GATA4: variants seen among roughly 807,000 people sequenced by gnomAD.
The protein encoded by GATA4 is transcription factor GATA-4.
In GATA4, 7 loss-of-function variants were observed where a neutral mutation model predicts 37.9. The observed-to-expected ratio is 0.18, with a 90% CI of 0.11 to 0.35. The LOEUF (loss-of-function observed/expected upper bound fraction) is 0.35, where lower values mean the gene tolerates loss of function less well. GATA4 is among the 10% of genes least tolerant of loss of function. The pLI, the probability that GATA4 is intolerant of heterozygous loss-of-function variation, is 1.00. For missense variants in GATA4, 647 were observed against 653.0 expected (o/e 0.99, Z 0.10); for synonymous variants, 372 against 292.6 (o/e 1.27, Z -2.77).
Position 11,708,053 on chromosome 8 carries a change from C to T in GATA4, c.-260C>T, listed in dbSNP as rs1799973699. The T allele has an allele frequency of 3.6e-6, 2 of 549,646 alleles. No individual in the cohort carries two copies. Among genetic ancestry groups the T allele is most frequent in the South Asian group, 1.9e-5 (1 of 52,770 alleles). 34.0% of individuals were successfully genotyped at this position (549,646 alleles called of 1,614,324 possible). On this transcript the variant is annotated 5_prime_UTR_variant, in exon 2 of 7. Transcript: ENST00000532059. This position sits in a 1 kb window ranked among gnomAD's most constrained non-coding sequence, Gnocchi z 6.7. ...TCAGGCCCTGGGGTGAATTCAGCTG[C>T]TCCTACATCAGCTTCCGGAACCACC...
rs1799922533 is a variant in GATA4, at chr8:11,707,143, C to G, written c.-457-713C>G. 6.6e-6 allele frequency among the ~76,000 whole-genome samples: 1 copy of G among 152,198 alleles called. No homozygotes were observed. The highest frequency in any genetic ancestry group is 2.4e-5 in the African/African-American group (1 of 41,454). The stretch of plus-strand genomic sequence containing the variant: ...GGCATTGTACATTCTTCTCACTTTT[C>G]TGGTTCTGATATACAATTTGCAAAA... On this transcript the variant is annotated intron_variant, in intron 1 of 6. Transcript: ENST00000532059. The surrounding 1 kb of genome is among the most constrained non-coding windows in gnomAD (Gnocchi z 4.7).
chr8:11,726,279 T>G (rs1040857790), intron 2 of GATA4, among the ~76,000 whole-genome samples: 1 of 152,188 alleles, frequency 6.6e-6, no homozygotes, highest in African/African-American at 2.4e-5. Flanking sequence ...TGAGCCCATG[T>G]GGATCCCTGG....
intron 1 of GATA4, among the ~76,000 whole-genome samples, chr8:11,693,608 TCAGCA>T (rs899275581): frequency 3.0e-5 from 4 of 134,564 alleles, no homozygotes; most frequent in South Asian, 2.4e-4. Context: ...GAGGATTGAT[TCAGCA>T]CAACCGGTGC....
chr8:11,734,732 C>A (rs1373077888), intron 2 of GATA4, among the ~76,000 whole-genome samples: 1 of 152,100 alleles, frequency 6.6e-6, no homozygotes, highest in African/African-American at 2.4e-5. Flanking sequence ...TCAGGTGATC[C>A]CCCTGCCTCG....
intron 2 of GATA4, among the ~76,000 whole-genome samples, chr8:11,728,076 T>C (rs542248787): frequency 1.1e-4 from 16 of 151,904 alleles, no homozygotes; most frequent in Non-Finnish European, 2.2e-4. Context: ...CTGCAACCTC[T>C]ACCTCCCAGG....
Position 11,730,683 on chromosome 8 carries a change from C to G in GATA4, c.617-18233C>G, listed in dbSNP as rs973650465. ...TGATATTTGGTGGTAGCACTGAGGC[C>G]CAGCCAACACTGAGCGCTTAGGATG... On this transcript the variant is annotated intron_variant, in intron 2 of 6. Coordinates refer to ENST00000532059, the MANE Select transcript of GATA4 (RefSeq NM_001308093.3). Among the ~76,000 whole-genome samples, 22 of 152,178 alleles carry G rather than the reference C, an allele frequency of 1.4e-4. 1 individual carries two copies. Among genetic ancestry groups the G allele is most frequent in the Non-Finnish European group, 7.4e-5 (5 of 68,026 alleles).
At chr8:11,724,199 T>G (rs1800808270) in intron 2 of GATA4, among the ~76,000 whole-genome samples, 3 of 152,218 alleles carry the variant, frequency 2.0e-5, no homozygotes, top group Non-Finnish European at 4.4e-5. Context: ...TGTATTTTGT[T>G]TATCCATTCA....
chr8:11,708,820 G>A lies in GATA4; in HGVS notation c.508G>A (p.Gly170Ser). The A allele has an allele frequency of 6.7e-7, 1 of 1,485,960 alleles. No individual in the cohort carries two copies. Among genetic ancestry groups the A allele is most frequent in the Non-Finnish European group, 8.9e-7 (1 of 1,125,500 alleles). 92.0% of individuals were successfully genotyped at this position (1,485,960 alleles called of 1,614,324 possible). ...SPYPAYMADV[G>S]ASWAAAAAAS... Reference sequence around the variant, plus strand: ...CTACCCGGCTTACATGGCCGACGTGGGCGCGTCCTGGGCCGCAGCCGCCGC... The same window carrying A: ...CTACCCGGCTTACATGGCCGACGTGAGCGCGTCCTGGGCCGCAGCCGCCGC... The change falls in exon 2 of 7, where the codon GGC becomes AGC. Residue 170 changes from glycine to serine, a missense_variant. By Grantham distance (56) the Gly-to-Ser change is moderately conservative. This residue lies in a region of GATA4 where 379 missense variants were observed against 334.5 expected (regional missense o/e 1.13). Transcript: ENST00000532059. This position sits in a 1 kb window ranked among gnomAD's most constrained non-coding sequence, Gnocchi z 6.7.
chr8:11,740,263 G>A (rs1253750507), intron 2 of GATA4, among the ~76,000 whole-genome samples: 2 of 152,220 alleles, frequency 1.3e-5, no homozygotes, highest in Non-Finnish European at 2.9e-5. Flanking sequence ...ACAGAGAGGA[G>A]GGATCAGCAT....
chr8:11,755,686 G>C (rs1341050847), intron 5 of GATA4, among the ~76,000 whole-genome samples: 1 of 152,202 alleles, frequency 6.6e-6, no homozygotes, highest in African/African-American at 2.4e-5. Flanking sequence ...AGCAAACTGA[G>C]GCTCATAGAG....
chr8:11,754,295 G>C (rs1199147177), intron 4 of GATA4, among the ~76,000 whole-genome samples: 1 of 152,196 alleles, frequency 6.6e-6, no homozygotes, highest in Non-Finnish European at 1.5e-5. Flanking sequence ...CGGCTTGCTG[G>C]AGCCTCGACT....
chr8:11,693,416 C>G (rs796112629), intron 1 of GATA4, among the ~76,000 whole-genome samples: 6 of 151,872 alleles, frequency 4.0e-5, no homozygotes, highest in African/African-American at 1.4e-4. Flanking sequence ...TGAGATCGCA[C>G]CACTGCAGTC....
chr8:11,694,610 AAC>A (rs1799449779), intron 1 of GATA4: 1 of 667,014 alleles, frequency 1.5e-6, no homozygotes, highest in Non-Finnish European at 1.9e-6. Context: ...CCTAAGAGGA[AAC>A]ACAATATTTT....
chr8:11,681,853 G>A (rs1798984284), intron 1 of GATA4, among the ~76,000 whole-genome samples: 1 of 152,134 alleles, frequency 6.6e-6, no homozygotes, highest in Non-Finnish European at 1.5e-5. Context: ...TGTAAGGACT[G>A]CAGCTTTTCC....
chr8:11,758,814 C>G lies in GATA4; in HGVS notation c.*339C>G. On this transcript the variant is annotated 3_prime_UTR_variant, in exon 7 of 7. Coordinates refer to ENST00000532059, the MANE Select transcript of GATA4 (RefSeq NM_001308093.3). ...GGGTTTTGCATTGTGTTTCTAGCACCGAGGATCTGAGAACAAGCGGAGGGC... is the reference window on the plus strand; with the variant it reads ...GGGTTTTGCATTGTGTTTCTAGCACGGAGGATCTGAGAACAAGCGGAGGGC... 5.4e-6 allele frequency: 2 copies of G among 368,564 alleles called. No individual in the cohort carries two copies. The highest frequency in any genetic ancestry group is 4.8e-5 in the South Asian group (2 of 41,990). The allele number at this position is 368,564 out of a possible 1,614,324, so 22.8% of individuals were successfully genotyped here.
chr8:11,723,058 G>A (rs767524497), intron 2 of GATA4, among the ~76,000 whole-genome samples: 2 of 152,130 alleles, frequency 1.3e-5, no homozygotes, highest in Non-Finnish European at 2.9e-5. Flanking sequence ...AAGAACTCAT[G>A]GACTTCAGCT....
At chr8:11,697,623 C>T in intron 1 of GATA4, 1 of 985,428 alleles carries the variant, frequency 1.0e-6, no homozygotes, top group African/African-American at 1.7e-5. Context: ...ACGGCCGGGC[C>T]TCCGGCCCCA....
intron 2 of GATA4, among the ~76,000 whole-genome samples, chr8:11,712,034 C>T (rs1467226654): frequency 1.3e-5 from 2 of 152,192 alleles, no homozygotes; most frequent in Non-Finnish European, 2.9e-5. Flanking sequence ...GGGCAAGTTA[C>T]TTACCTCTCT....
At chr8:11,752,260 C>G (rs532832460) in intron 4 of GATA4, among the ~76,000 whole-genome samples, 1 of 152,140 alleles carries the variant, frequency 6.6e-6, no homozygotes, top group Admixed American at 6.6e-5. Context: ...GGTGAACACA[C>G]ACACACAAAT....
Sources: gnomAD v4.1 joint callset for allele counts (sites outside exome capture counted in the v4.1 genomes callset) on GRCh38, gnomAD v4.1.1 for gene constraint, gnomAD v4.1.1 regional missense constraint, Gnocchi (gnomAD v3.1) non-coding constraint, MANE v1.5 for transcripts, NCBI Gene and HGNC (gene_info 2026-07-23, HGNC 2026-07-21) for gene names.